Variants in ARB2A observed in about 807,000 individuals in gnomAD.
The protein encoded by ARB2A is cotranscriptional regulator ARB2A.
the ARB2A span, among the ~76,000 whole-genome samples, chr5:93,873,418 GGGGAAGGGA>G: frequency 6.7e-6 from 1 of 149,290 alleles, no homozygotes; most frequent in Non-Finnish European, 1.5e-5. Flanking sequence ...GGAAAGGAAA[GGGGAAGGGA>G]GGAAAGGAAA....
At chr5:93,920,832 T>C in the ARB2A span, among the ~76,000 whole-genome samples, 1 of 152,188 alleles carries the variant, frequency 6.6e-6, no homozygotes, top group Non-Finnish European at 1.5e-5. Context: ...TGTGCTCAAG[T>C]GTTGTGAATG....
At chr5:94,060,109 C>G in the ARB2A span, among the ~76,000 whole-genome samples, 1 of 152,114 alleles carries the variant, frequency 6.6e-6, no homozygotes, top group African/African-American at 2.4e-5. Flanking sequence ...CCTGTAATCC[C>G]AGCACTTTGG....
At chr5:94,079,277 C>T in the ARB2A span, among the ~76,000 whole-genome samples, 383 of 152,184 alleles carry the variant, frequency 2.5e-3, 2 homozygotes, top group African/African-American at 8.9e-3. Flanking sequence ...TGGGTTCCAC[C>T]TTCATTTGCC....
the ARB2A span, among the ~76,000 whole-genome samples, chr5:93,796,628 C>T: frequency 6.6e-6 from 1 of 152,142 alleles, no homozygotes; most frequent in Non-Finnish European, 1.5e-5. Flanking sequence ...ATACCTGAAA[C>T]TTCTGTTCCC....
chr5:93,828,389 T>C, the ARB2A span, among the ~76,000 whole-genome samples: 2 of 152,226 alleles, frequency 1.3e-5, no homozygotes, highest in African/African-American at 4.8e-5. Context: ...TTTGGCTCTC[T>C]GTTTGTCTGT....
the ARB2A span, among the ~76,000 whole-genome samples, chr5:93,976,314 C>A: frequency 6.6e-6 from 1 of 152,102 alleles, no homozygotes; most frequent in African/African-American, 2.4e-5. Context: ...CAATATCATA[C>A]CGTACAGGCA....
chr5:93,943,653 T>C, the ARB2A span, among the ~76,000 whole-genome samples: 5 of 152,190 alleles, frequency 3.3e-5, no homozygotes, highest in Non-Finnish European at 7.4e-5. Flanking sequence ...GTCAAATACT[T>C]ATGCTGAAAT....
the ARB2A span, among the ~76,000 whole-genome samples, chr5:94,053,620 T>C: frequency 1.3e-5 from 2 of 152,298 alleles, no homozygotes; most frequent in South Asian, 4.1e-4. Flanking sequence ...TAAATGTAAA[T>C]AGTATTAATA....
At chr5:93,874,088 T>C in the ARB2A span, among the ~76,000 whole-genome samples, 4 of 152,204 alleles carry the variant, frequency 2.6e-5, no homozygotes, top group African/African-American at 9.7e-5. Flanking sequence ...GTGTTTTGTT[T>C]CCTTTTGTCT....
At chr5:93,697,553 A>T in the ARB2A span, among the ~76,000 whole-genome samples, 1 of 152,120 alleles carries the variant, frequency 6.6e-6, no homozygotes, top group Non-Finnish European at 1.5e-5. Flanking sequence ...TTTCTTGTTT[A>T]ATTTGTTTGT....
At chr5:94,036,332 T>C in the ARB2A span, among the ~76,000 whole-genome samples, 1 of 152,220 alleles carries the variant, frequency 6.6e-6, no homozygotes, top group Admixed American at 6.5e-5. Context: ...ACATTCCCCA[T>C]AGATAAATGT....
At chr5:94,103,168 A>C in the ARB2A span, among the ~76,000 whole-genome samples, 10 of 152,088 alleles carry the variant, frequency 6.6e-5, no homozygotes, top group Non-Finnish European at 2.9e-5. Flanking sequence ...TTCACATATC[A>C]ATACTGACTC....
At chr5:93,930,916 C>T in the ARB2A span, among the ~76,000 whole-genome samples, 7 of 152,190 alleles carry the variant, frequency 4.6e-5, no homozygotes, top group African/African-American at 1.7e-4. Flanking sequence ...GTTTGCTGCA[C>T]CTATCAACCT....
At chr5:94,074,706 T>C in the ARB2A span, 1 of 1,612,944 alleles carries the variant, frequency 6.2e-7, no homozygotes, top group Non-Finnish European at 8.5e-7. Context: ...TGTGCCATGT[T>C]TATCCAAATT....
the ARB2A span, among the ~76,000 whole-genome samples, chr5:93,727,557 C>T: frequency 6.6e-6 from 1 of 151,872 alleles, no homozygotes; most frequent in Admixed American, 6.6e-5. Flanking sequence ...CTTTTAGGAA[C>T]CTTAAGCTAT....
the ARB2A span, among the ~76,000 whole-genome samples, chr5:93,933,880 C>G: frequency 5.9e-5 from 9 of 152,186 alleles, no homozygotes; most frequent in East Asian, 1.7e-3. Context: ...GTGGCTTGCA[C>G]CTGTAGTCCC....
chr5:93,906,594 G>A, the ARB2A span, among the ~76,000 whole-genome samples: 3 of 151,320 alleles, frequency 2.0e-5, no homozygotes, highest in Non-Finnish European at 3.0e-5. Context: ...TTGCCTAAGA[G>A]GCAAAATTTT....
At chr5:93,697,977 T>A in the ARB2A span, among the ~76,000 whole-genome samples, 1 of 152,080 alleles carries the variant, frequency 6.6e-6, no homozygotes, top group Admixed American at 6.6e-5. Flanking sequence ...AAAAATATAG[T>A]CTCAGACATA....
At chr5:93,815,112 G>A in the ARB2A span, among the ~76,000 whole-genome samples, 3 of 152,126 alleles carry the variant, frequency 2.0e-5, no homozygotes, top group African/African-American at 7.2e-5. Context: ...CAAAGAATTG[G>A]GATTACAGGC....
Sources: allele counts gnomAD v4.1 joint callset (sites outside exome capture counted in the v4.1 genomes callset), GRCh38; gene constraint gnomAD v4.1.1; transcripts MANE v1.5; gene names NCBI Gene and HGNC (gene_info 2026-07-23, HGNC 2026-07-21).